FBN1: variants seen among roughly 807,000 people sequenced by gnomAD.
FBN1 encodes fibrillin 1, also known as fibrillin-1.
FBN1 carries 29 observed loss-of-function variants against 365.1 expected under a neutral mutation model. The ratio of observed to expected loss-of-function variants is 0.08; its 90% CI spans 0.06 to 0.11. The LOEUF (loss-of-function observed/expected upper bound fraction) is 0.11, where lower values mean the gene tolerates loss of function less well. FBN1 is among the 10% of genes least tolerant of loss of function. The pLI is 1.00. For synonymous variants in FBN1, 1,210 were observed against 1,270.5 expected, an observed-to-expected ratio of 0.95 and a Z score of 1.01; for missense variants, 2,476 against 3,703.2, an observed-to-expected ratio of 0.67 and a Z score of 8.60.
intron 17 of FBN1, among the ~76,000 whole-genome samples, chr15:48,500,790 G>C (rs894593357): frequency 3.9e-5 from 6 of 152,184 alleles, no homozygotes; most frequent in African/African-American, 1.4e-4. Context: ...GACACAAGAG[G>C]GCTTGCTGAA....
chr15:48,607,959 A>G (rs1442370006), intron 4 of FBN1, among the ~76,000 whole-genome samples: 1 of 152,240 alleles, frequency 6.6e-6, no homozygotes, highest in East Asian at 1.9e-4. Flanking sequence ...AAAGTCTAGA[A>G]AAACTACTGT....
intron 6 of FBN1, among the ~76,000 whole-genome samples, chr15:48,568,043 A>AAGAG (rs2044272368): frequency 1.2e-5 from 1 of 82,078 alleles, no homozygotes; most frequent in African/African-American, 7.8e-5. Flanking sequence ...GAAAGAAAGA[A>AAGAG]AGAAAGAAGA....
chr15:48,574,273 T>C (rs2044328214), intron 6 of FBN1, among the ~76,000 whole-genome samples: 1 of 152,184 alleles, frequency 6.6e-6, no homozygotes, highest in African/African-American at 2.4e-5. Context: ...GTTTTGGAAA[T>C]AGAGAAGTGA....
chr15:48,538,763 A>G (rs2044033512), intron 6 of FBN1, among the ~76,000 whole-genome samples: 1 of 152,188 alleles, frequency 6.6e-6, no homozygotes, highest in East Asian at 1.9e-4. Context: ...GGTAAGACTC[A>G]TGGGCTTCTA....
chr15:48,492,869 C>T (rs2043574006), intron 23 of FBN1, among the ~76,000 whole-genome samples: 1 of 152,130 alleles, frequency 6.6e-6, no homozygotes, highest in East Asian at 1.9e-4. Context: ...GCTCTGGTAG[C>T]TGCGGACATT....
At chr15:48,606,939 C>T (rs1321607326) in intron 4 of FBN1, among the ~76,000 whole-genome samples, 2 of 152,184 alleles carry the variant, frequency 1.3e-5, no homozygotes, top group Admixed American at 1.3e-4. Flanking sequence ...CTCGGGAGTT[C>T]AGCCCCATTT....
In FBN1 at chr15:48,465,817, G is replaced by T. The variant is rs2141269949; in HGVS notation, c.4789C>A (p.Pro1597Thr). ...ILCPGGEGFR[P>T]NPITVILEDI... Reference sequence around the variant, plus strand: ...TCCAATATAACGGTGATAGGATTTGGTCGGAAACCTTCCCCTCCAGGACAA... The same window carrying T: ...TCCAATATAACGGTGATAGGATTTGTTCGGAAACCTTCCCCTCCAGGACAA... Residue 1597 changes from proline (P) to threonine (T), a missense_variant, in exon 39 of 66, where the codon CCA becomes ACA. Around this residue, in one of 5 missense-constraint regions of FBN1, gnomAD observed 1,780 missense variants for 2,840.8 expected, o/e 0.63. Transcript: ENST00000316623. 6.2e-7 allele frequency: 1 copy of T among 1,613,828 alleles called. No individual in the cohort carries two copies. The highest frequency in any genetic ancestry group is 8.5e-7 in the Non-Finnish European group (1 of 1,179,734).
At chr15:48,536,264 A>G (rs1168994830) in intron 7 of FBN1, among the ~76,000 whole-genome samples, 8 of 152,224 alleles carry the variant, frequency 5.3e-5, no homozygotes, top group Non-Finnish European at 1.2e-4. Flanking sequence ...GCAGAGTTAG[A>G]AAGAAACAGG....
At chr15:48,460,537 G>T (rs28730791) in intron 42 of FBN1, among the ~76,000 whole-genome samples, 1 of 152,170 alleles carries the variant, frequency 6.6e-6, no homozygotes, top group Non-Finnish European at 1.5e-5. Context: ...GATAATGAAG[G>T]AGAAGTAGAG....
At chr15:48,610,851 A>T (rs370942501) in intron 3 of FBN1, 25 bp from the exon 4 acceptor site, 7 of 1,594,858 alleles carry the variant, frequency 4.4e-6, no homozygotes, top group Non-Finnish European at 6.0e-6. Context: ...GAGGTCTGTT[A>T]GCACATGGAT....
At chr15:48,598,039 C>G (rs2044529226) in intron 5 of FBN1, among the ~76,000 whole-genome samples, 1 of 152,212 alleles carries the variant, frequency 6.6e-6, no homozygotes, top group African/African-American at 2.4e-5. Flanking sequence ...CAGCCATAGC[C>G]TTAGTTAGGA....
intron 6 of FBN1, among the ~76,000 whole-genome samples, chr15:48,570,383 T>A (rs1205603980): frequency 6.6e-6 from 1 of 151,618 alleles, no homozygotes; most frequent in Non-Finnish European, 1.5e-5. Flanking sequence ...CATGAAGAGA[T>A]CAATAAAAGG....
intron 9 of FBN1, among the ~76,000 whole-genome samples, chr15:48,523,196 A>T (rs2141339511): frequency 6.6e-6 from 1 of 152,378 alleles, no homozygotes; most frequent in South Asian, 2.1e-4. Flanking sequence ...TTCGGTGGTC[A>T]AAACCCAGTG....
chr15:48,518,306 A>C (rs1193066490), intron 10 of FBN1, among the ~76,000 whole-genome samples: 2 of 152,114 alleles, frequency 1.3e-5, no homozygotes, highest in Non-Finnish European at 2.9e-5. Flanking sequence ...TAGTCTGTGA[A>C]GTCAGGGATC....
At chr15:48,415,498 A>C in intron 64 of FBN1, 38 bp downstream of exon 64, 6 of 1,462,708 alleles carry the variant, frequency 4.1e-6, no homozygotes, top group Non-Finnish European at 5.8e-6. Flanking sequence ...TTACGAATGA[A>C]AGAATCTCCA....
In FBN1 at chr15:48,427,719, C is replaced by T; in HGVS notation, c.7052G>A (p.Gly2351Asp). ...TEVLQNMCQI[G>D]SSNRNPVTKS... ...GGTGACGGGGTTCCTGTTGCTGGAG[C>T]CGATCTGACACATGTTTTGTAGCAC... Residue 2351 changes from glycine (G) to aspartate (D), a missense_variant, in exon 58 of 66, where the codon GGC becomes GAC. Gly to Asp is a moderately conservative substitution (Grantham distance 94). Coordinates refer to ENST00000316623, the MANE Select transcript of FBN1 (RefSeq NM_000138.5). The T allele has an allele frequency of 6.2e-7, 1 of 1,614,064 alleles. No individual in the cohort carries two copies. The highest frequency in any genetic ancestry group is 1.1e-5 in the South Asian group (1 of 91,072).
chr15:48,458,062 T>G (rs2043254509), intron 43 of FBN1, among the ~76,000 whole-genome samples: 2 of 152,200 alleles, frequency 1.3e-5, no homozygotes, highest in African/African-American at 2.4e-5. Context: ...ATGAAACACC[T>G]CAGCTGGGAG....
Position 48,420,699 on chromosome 15 carries a change from T to A in FBN1, c.7807A>T (p.Asn2603Tyr). The A allele has an allele frequency of 6.2e-7, 1 of 1,614,122 alleles. No homozygotes were observed. The highest frequency in any genetic ancestry group is 8.5e-7 in the Non-Finnish European group (1 of 1,179,980). ...AAAAGTTACTTGCCAACACACTGGT[T>A]CCACTGGTAGTGCTGGAGGTAGCCC... ...PQGYLQHYQW[N>Y]QCVDENECLS... The change falls in exon 63 of 66, where the codon AAC (asparagine) becomes TAC (tyrosine). Residue 2603 changes from asparagine to tyrosine, a missense_variant. Asn to Tyr is a moderately radical substitution (Grantham distance 143, BLOSUM62 -2). Around this residue, in one of 5 missense-constraint regions of FBN1, gnomAD observed 1,780 missense variants for 2,840.8 expected, o/e 0.63. Transcript: ENST00000316623.
chr15:48,487,485 C>G (rs1338809017), intron 27 of FBN1, 48 bp from the exon 28 acceptor site: 1 of 1,608,650 alleles, frequency 6.2e-7, no homozygotes, highest in Admixed American at 1.7e-5. Flanking sequence ...TCATCTCCTC[C>G]ACCAGACCAA....
Sources: allele counts gnomAD v4.1 joint callset (sites outside exome capture counted in the v4.1 genomes callset), GRCh38; gene constraint gnomAD v4.1.1; regional missense constraint gnomAD v4.1.1; transcripts MANE v1.5; gene names NCBI Gene and HGNC (gene_info 2026-07-23, HGNC 2026-07-21).